Variants in MGAT4C observed in about 807,000 individuals in gnomAD.
MGAT4C encodes alpha-1,3-mannosyl-glycoprotein 4-beta-N-acetylglucosaminyltransferase C.
In MGAT4C, 19 loss-of-function variants were observed where a neutral mutation model predicts 40.1. That is an observed-to-expected ratio of 0.47 (90% CI 0.33 to 0.70). The LOEUF is 0.70. Among genes scored for constraint, MGAT4C ranks in the 30% least tolerant of loss-of-function variants. The pLI, the probability that MGAT4C is intolerant of heterozygous loss-of-function variation, is 0.02. For synonymous variants in MGAT4C, 181 were observed against 187.1 expected (o/e 0.97, Z 0.27); for missense variants, 491 against 563.2 (o/e 0.87, Z 1.30).
At chr12:86,667,524 T>G (rs766673053) in intron 2 of MGAT4C, among the ~76,000 whole-genome samples, 1 of 152,188 alleles carries the variant, frequency 6.6e-6, no homozygotes, top group Non-Finnish European at 1.5e-5. Flanking sequence ...GTAAATAGCA[T>G]CAGTTTCATA....
chr12:86,235,513 T>A (rs1951497723), intron 1 of MGAT4C, among the ~76,000 whole-genome samples: 1 of 152,050 alleles, frequency 6.6e-6, no homozygotes, highest in African/African-American at 2.4e-5. Context: ...TCCACCCCCT[T>A]GTTTCAGCCT....
intron 1 of MGAT4C, among the ~76,000 whole-genome samples, chr12:86,814,319 TATAC>T (rs1745839665): frequency 7.0e-4 from 1 of 1,430 alleles, no homozygotes. Flanking sequence ...TATACGTATA[TATAC>T]ATATACGTAT....
chr12:86,798,173 G>A (rs112823805), intron 1 of MGAT4C, among the ~76,000 whole-genome samples: 1 of 151,864 alleles, frequency 6.6e-6, no homozygotes, highest in Non-Finnish European at 1.5e-5. Flanking sequence ...ATCACAGGTT[G>A]CACACCCATG....
chr12:86,835,917 ACATCCT>A (rs1488110361), intron 1 of MGAT4C, among the ~76,000 whole-genome samples: 1 of 151,822 alleles, frequency 6.6e-6, no homozygotes, highest in Non-Finnish European at 1.5e-5. Flanking sequence ...TTCAACTAGA[ACATCCT>A]TATGGGAAAA....
intron 1 of MGAT4C, among the ~76,000 whole-genome samples, chr12:86,819,277 C>T (rs1426273284): frequency 6.6e-6 from 1 of 150,832 alleles, no homozygotes; most frequent in Non-Finnish European, 1.5e-5. Context: ...GCCCTCACAG[C>T]TAGTAAGTGG....
chr12:86,355,062 G>T (rs954979710), intron 3 of MGAT4C, among the ~76,000 whole-genome samples: 3 of 152,180 alleles, frequency 2.0e-5, no homozygotes, highest in African/African-American at 7.2e-5. Context: ...TTTTAGAAAC[G>T]TCTAGCTAGC....
At chr12:86,139,264 C>G (rs948160341) in intron 1 of MGAT4C, among the ~76,000 whole-genome samples, 16 of 152,068 alleles carry the variant, frequency 1.1e-4, no homozygotes, top group African/African-American at 3.6e-4. Flanking sequence ...TAAGAAACCC[C>G]CTGGGTGCTT....
chr12:86,100,243 C>T (rs966671518), intron 1 of MGAT4C, among the ~76,000 whole-genome samples: 1 of 151,264 alleles, frequency 6.6e-6, no homozygotes, highest in African/African-American at 2.4e-5. Context: ...CAATGACATC[C>T]TGTTTTATAT....
intron 2 of MGAT4C, among the ~76,000 whole-genome samples, chr12:86,649,596 A>G (rs10431417): frequency 0.29 from 43,995 of 151,724 alleles, 7,966 homozygotes; most frequent in Admixed American, 0.42. Context: ...TTGTAAGCCC[A>G]CTTGACAACA....
intron 3 of MGAT4C, among the ~76,000 whole-genome samples, chr12:86,355,505 C>A (rs930974676): frequency 6.6e-6 from 1 of 152,050 alleles, no homozygotes. Flanking sequence ...TGTTCAGATG[C>A]ACCATAATCA....
chr12:86,504,444 T>C (rs1198576367), intron 2 of MGAT4C, among the ~76,000 whole-genome samples: 1 of 152,136 alleles, frequency 6.6e-6, no homozygotes, highest in African/African-American at 2.4e-5. Flanking sequence ...TGATAGAATA[T>C]AGAGTAAAAA....
Position 86,774,399 on chromosome 12 carries a change from CT to C in MGAT4C, c.-261-47159del, listed in dbSNP as rs36185433. ...CTGTCTGTCTCTCTCTCTCTCTCCT[CT>C]CTCTCTCTCTCTCTCTCTCTCTTTC... On this transcript the variant is annotated intron_variant, in intron 1 of 7. Transcript: ENST00000548651. Among the ~76,000 whole-genome samples the C allele has an allele frequency of 2.0e-4, 8 of 40,466 alleles. 2 individuals carry two copies. The Admixed American group carries it at 2.9e-3, about 15-fold the overall frequency. The allele number at this position is 40,466 out of a possible 152,430, so 26.5% of individuals were successfully genotyped here.
intron 1 of MGAT4C, among the ~76,000 whole-genome samples, chr12:86,762,282 C>G (rs925471547): frequency 6.6e-6 from 1 of 152,066 alleles, no homozygotes; most frequent in Non-Finnish European, 1.5e-5. Flanking sequence ...TACTCCTGAA[C>G]TCAAGCAATC....
chr12:86,708,531 C>T lies in MGAT4C; in HGVS notation c.-229+18678G>A, dbSNP rs115006828. Among the ~76,000 whole-genome samples, 45 of 152,226 alleles carry T rather than the reference C, an allele frequency of 3.0e-4. 1 individual carries two copies. The highest frequency in any genetic ancestry group is 1.1e-3 in the African/African-American group (44 of 41,544). On this transcript the variant is annotated intron_variant, in intron 2 of 7. Transcript: ENST00000548651. ...AGAAGACAGTCACTGTCCTTCAGAC[C>T]CCATAATGGTAGATCCACTGACAGC... is the stretch of plus-strand genomic sequence containing the variant.
intron 3 of MGAT4C, among the ~76,000 whole-genome samples, chr12:86,405,604 G>GT (rs941924821): frequency 6.6e-6 from 1 of 151,860 alleles, no homozygotes; most frequent in African/African-American, 2.4e-5. Context: ...TTTCTGAATT[G>GT]TTTTTTATAT....
At position 86,462,790 on chromosome 12, in the gene MGAT4C, C is replaced by T. The variant is rs886803462; in HGVS notation, c.-228-27525G>A. ...AGCCATTATAGGAGAAAGATGAGAC[C>T]GGAAGACTCAGCATGTATGCGCTTT... On this transcript the variant is annotated intron_variant, in intron 2 of 7. Coordinates refer to the MGAT4C transcript ENST00000548651. Among the ~76,000 whole-genome samples, 17 of 152,194 alleles carry T rather than the reference C, an allele frequency of 1.1e-4. No individual in the cohort carries two copies. The South Asian group carries it at 3.1e-3, about 28-fold the overall frequency.
Position 86,567,226 on chromosome 12 carries a change from G to C in MGAT4C, c.-228-131961C>G, listed in dbSNP as rs796597818. On this transcript the variant is annotated intron_variant, in intron 2 of 7. Coordinates refer to the MGAT4C transcript ENST00000548651. ...AGTGACACCAATCACCATCACCCCT[G>C]GTGACTCAGTAGCAATTTTTTTGTT... is the stretch of plus-strand genomic sequence containing the variant. 7.2e-5 allele frequency among the ~76,000 whole-genome samples: 11 copies of C among 152,122 alleles called. 1 individual carries two copies. The highest frequency in any genetic ancestry group is 2.4e-4 in the African/African-American group (10 of 41,506).
intron 3 of MGAT4C, among the ~76,000 whole-genome samples, chr12:86,378,307 T>C (rs1955868913): frequency 6.6e-6 from 1 of 152,150 alleles, no homozygotes; most frequent in African/African-American, 2.4e-5. Context: ...TACTGTTATC[T>C]GGTTATATGA....
chr12:86,828,941 T>C (rs538306186), intron 1 of MGAT4C, among the ~76,000 whole-genome samples: 1 of 151,732 alleles, frequency 6.6e-6, no homozygotes, highest in African/African-American at 2.4e-5. Flanking sequence ...TTGTACACAA[T>C]ATAAATTTGC....
Sources: gnomAD v4.1 joint callset for allele counts (sites outside exome capture counted in the v4.1 genomes callset) on GRCh38, gnomAD v4.1.1 for gene constraint, MANE v1.5 for transcripts, NCBI Gene and HGNC (gene_info 2026-07-23, HGNC 2026-07-21) for gene names.